The following CEP104 variants were observed in gnomAD, a reference collection of about 807,000 sequenced individuals.
CEP104 encodes centrosomal protein 104, also known as centrosomal protein of 104 kDa.
A neutral mutation model predicts 113.3 loss-of-function variants in CEP104; 84 were observed. That is an observed-to-expected ratio of 0.74 (90% CI 0.62 to 0.89). The LOEUF is 0.89. Ranked by LOEUF, CEP104 falls within the 40% of genes least tolerant of loss-of-function variation. The pLI is 0.00. For missense variants in CEP104, 1,053 were observed against 1,156.6 expected (o/e 0.91, Z 1.30); for synonymous variants, 378 against 421.7 (o/e 0.90, Z 1.27).
Position 3,857,154 on chromosome 1 carries a change from A to G in CEP104, c.-280T>C, listed in dbSNP as rs4648428. 0.91 allele frequency: 139,474 copies of G among 153,772 alleles called. 63,869 individuals are homozygous for G. The highest frequency in any genetic ancestry group is 0.96 in the Middle Eastern group (296 of 308). 9.5% of individuals were successfully genotyped at this position (153,772 alleles called of 1,614,324 possible). Reference sequence around the variant, plus strand: ...TGACAGGGAAGAAGCAGACCCGGCCACCTCTGCCCATAGCCCCGGCCGCAG... The same window carrying G: ...TGACAGGGAAGAAGCAGACCCGGCCGCCTCTGCCCATAGCCCCGGCCGCAG... On this transcript the variant is annotated 5_prime_UTR_variant, in exon 1 of 22. Transcript: ENST00000378230.
In CEP104 at chr1:3,833,990, A is replaced by G; in HGVS notation, c.1531T>C (p.Tyr511His). The change falls in exon 12 of 22, where the codon TAT becomes CAT. Residue 511 changes from tyrosine (Y) to histidine (H), a missense_variant. Transcript: ENST00000378230. ...TTACTCAGTTTATGTTTAGGAATATATTGTGTAATGATCATTTTCAACAAT... is the reference window on the plus strand; with the variant it reads ...TTACTCAGTTTATGTTTAGGAATATGTTGTGTAATGATCATTTTCAACAAT... ...LKLLKMIITQ[Y>H]IPKHKLSKLE... 6.2e-7 allele frequency: 1 copy of G among 1,613,776 alleles called. No homozygotes were observed. The highest frequency in any genetic ancestry group is 8.5e-7 in the Non-Finnish European group (1 of 1,179,624).
At position 3,845,001 on chromosome 1, in the gene CEP104, C is replaced by T. The variant is rs150128798; in HGVS notation, c.490-18G>A. ...CGAGAGGCCTTTGGGGGCAAAACAT[C>T]TGCTTAGTGTCTCAGAGAGAAAGAG... On this transcript the variant is annotated intron_variant, in intron 5 of 21. Transcript: ENST00000378230. The T allele has an allele frequency of 5.3e-4, 854 of 1,600,858 alleles. 3 individuals are homozygous for T. The African/African-American group carries it at 0.01, about 19-fold the overall frequency.
intron 6 of CEP104, 125 bp downstream of exon 6, chr1:3,844,782 A>C (rs1644477030): frequency 1.6e-6 from 1 of 635,826 alleles, no homozygotes; most frequent in African/African-American, 1.8e-5. Flanking sequence ...CAATCCAATC[A>C]GTGGCTTATC....
At chr1:3,827,928 GGAGA>G (rs1459171789) in intron 15 of CEP104, among the ~76,000 whole-genome samples, 1 of 152,080 alleles carries the variant, frequency 6.6e-6, no homozygotes, top group African/African-American at 2.4e-5. Context: ...CGCCTGGCAC[GGAGA>G]GGCGCTCCAT....
At chr1:3,834,525 T>G (rs1382453227) in intron 11 of CEP104, among the ~76,000 whole-genome samples, 1 of 152,254 alleles carries the variant, frequency 6.6e-6, no homozygotes, top group Non-Finnish European at 1.5e-5. Context: ...GAAGCCCAAC[T>G]GTGCAATGTC....
rs1457446950 is a variant in CEP104 at position 3,831,084 on chromosome 1, T to C, written c.1798A>G (p.Thr600Ala). The change falls in exon 13 of 22, where the codon ACT (threonine) becomes GCT (alanine). Residue 600 changes from threonine to alanine, a missense_variant. Transcript: ENST00000378230. ...LLARLLKDLG[T>A]GSSGFTIDNV... The stretch of plus-strand genomic sequence containing the variant: ...TCAATGGTGAAGCCCGAGCTGCCAG[T>C]GCCCAGGTCTTTCAGCAGCCGGGCC... 1.2e-6 allele frequency: 2 copies of C among 1,614,132 alleles called. No individual in the cohort carries two copies. The highest frequency in any genetic ancestry group is 1.3e-5 in the African/African-American group (1 of 75,060).
In CEP104 at chr1:3,836,490, TTTA is replaced by T. The variant is rs1570810512; in HGVS notation, c.1317+2_1317+4del. 1.3e-6 allele frequency: 2 copies of T among 1,554,974 alleles called. No individual in the cohort carries two copies. Among genetic ancestry groups the T allele is most frequent in the Admixed American group, 2.1e-5 (1 of 48,608 alleles). On this transcript the variant is annotated splice_donor_variant and splice_donor_region_variant and intron_variant, in intron 10 of 21. Coordinates refer to ENST00000378230, the MANE Select transcript of CEP104 (RefSeq NM_014704.4). LOFTEE classifies it high-confidence loss of function. ...CCCGTTTTTTTTTTTTTTTTTTTTTTTTACCAAGGTTTCTCCCAACACATCGAT... is the reference window on the plus strand; with the variant it reads ...CCCGTTTTTTTTTTTTTTTTTTTTTTCCAAGGTTTCTCCCAACACATCGAT...
chr1:3,826,045 G>T (rs1460383120), intron 17 of CEP104, among the ~76,000 whole-genome samples, 179 bp from the exon 18 acceptor site: 3 of 152,232 alleles, frequency 2.0e-5, no homozygotes, highest in African/African-American at 7.2e-5. Flanking sequence ...TCCCTTGCAG[G>T]TGGCAGAGGA....
rs949624228 is a variant in CEP104, at chr1:3,825,746, C to T, written c.2364+12G>A. ...TCATGCAAGTAGCTGGCTGCTGTGC[C>T]GCTGGCCTGACCTGTTTGCAGTGGT... On this transcript the variant is annotated intron_variant, in intron 18 of 21. Coordinates refer to ENST00000378230, the MANE Select transcript of CEP104 (RefSeq NM_014704.4). 17 of 1,580,634 alleles carry T rather than the reference C, an allele frequency of 1.1e-5. No homozygotes were observed. The highest frequency in any genetic ancestry group is 3.3e-5 in the Admixed American group (2 of 59,916).
chr1:3,829,135 A>T, intron 15 of CEP104, 131 bp downstream of exon 15: 1 of 657,594 alleles, frequency 1.5e-6, no homozygotes, highest in Non-Finnish European at 2.4e-6. Context: ...AAACTAACCT[A>T]AAAAACCAAA....
chr1:3,845,042 T>G (rs1379124122), intron 5 of CEP104, 59 bp from the exon 6 acceptor site: 1 of 1,365,482 alleles, frequency 7.3e-7, no homozygotes, highest in African/African-American at 1.4e-5. Flanking sequence ...ACACAAAACC[T>G]TAACTACAAG....
chr1:3,839,241 T>C (rs751665801), intron 7 of CEP104, 122 bp from the exon 8 acceptor site: 1 of 845,604 alleles, frequency 1.2e-6, no homozygotes, highest in Non-Finnish European at 1.9e-6. Context: ...CACAGGGAAA[T>C]GGAAGGAATG....
At chr1:3,851,718 C>G (rs1324727154) in intron 2 of CEP104, among the ~76,000 whole-genome samples, 1 of 152,228 alleles carries the variant, frequency 6.6e-6, no homozygotes, top group Non-Finnish European at 1.5e-5. Context: ...ATGGCTATCA[C>G]AGCTCATGGC....
chr1:3,849,398 GA>G (rs984402382), intron 2 of CEP104, among the ~76,000 whole-genome samples: 1 of 152,018 alleles, frequency 6.6e-6, no homozygotes, highest in Non-Finnish European at 1.5e-5. Context: ...GAGGAGTTGG[GA>G]CCACAGGTGT....
At chr1:3,829,453 A>G in intron 14 of CEP104, 80 bp from the exon 15 acceptor site, 2 of 911,498 alleles carry the variant, frequency 2.2e-6, no homozygotes, top group Non-Finnish European at 3.4e-6. Flanking sequence ...TGGCATATCA[A>G]CTATATTTCT....
chr1:3,818,343 C>T (rs370618562), intron 20 of CEP104, among the ~76,000 whole-genome samples: 9 of 152,340 alleles, frequency 5.9e-5, no homozygotes, highest in Middle Eastern at 3.4e-3. Context: ...TACCGGCCTG[C>T]GCGTCTGACA....
intron 1 of CEP104, among the ~76,000 whole-genome samples, chr1:3,854,182 TC>T (rs1002542300): frequency 6.6e-6 from 1 of 152,092 alleles, no homozygotes; most frequent in African/African-American, 2.4e-5. Flanking sequence ...TGCCCTTCCT[TC>T]TGATCCCACT....
At chr1:3,849,228 G>A (rs1482778241) in intron 2 of CEP104, among the ~76,000 whole-genome samples, 1 of 151,136 alleles carries the variant, frequency 6.6e-6, no homozygotes, top group Non-Finnish European at 1.5e-5. Flanking sequence ...CCTATGCTAT[G>A]GGCCATGCTG....
chr1:3,825,902 A>T lies in CEP104; in HGVS notation c.2256-36T>A, dbSNP rs1644081027. ...AGCAAAGCAGGAAATAAAGGTAAGGATCTAGTTCCACTGATGGCCGTTCCG... is the reference window on the plus strand; with the variant it reads ...AGCAAAGCAGGAAATAAAGGTAAGGTTCTAGTTCCACTGATGGCCGTTCCG... On this transcript the variant is annotated intron_variant, in intron 17 of 21. Coordinates refer to ENST00000378230, the MANE Select transcript of CEP104 (RefSeq NM_014704.4). The T allele has an allele frequency of 2.8e-6, 4 of 1,448,438 alleles. No individual in the cohort carries two copies. In the African/African-American group the frequency reaches 5.6e-5, roughly 20 times the overall value. The allele number at this position is 1,448,438 out of a possible 1,614,324, so 89.7% of individuals were successfully genotyped here. A position where few individuals can be genotyped will look rare whatever the true frequency, so the allele number is the denominator to read the frequency against.
Sources: gnomAD v4.1 joint callset for allele counts (sites outside exome capture counted in the v4.1 genomes callset) on GRCh38, gnomAD v4.1.1 for gene constraint, MANE v1.5 for transcripts, NCBI Gene and HGNC (gene_info 2026-07-23, HGNC 2026-07-21) for gene names.